SDC1: variants seen among roughly 807,000 people sequenced by gnomAD.
The protein encoded by SDC1 is syndecan 1.
SDC1 carries 14 observed loss-of-function variants against 29.7 expected under a neutral mutation model. The observed-to-expected ratio is 0.47, with a 90% CI of 0.31 to 0.74. The LOEUF is 0.74. Ranked by LOEUF, SDC1 falls within the 30% of genes least tolerant of loss-of-function variation. SDC1 has a pLI of 0.05. For missense variants in SDC1, 406 were observed against 400.3 expected (o/e 1.01, Z -0.12); for synonymous variants, 204 against 175.5 (o/e 1.16, Z -1.29).
Position 20,202,023 on chromosome 2 carries a change from C to T in SDC1, c.*743G>A. The stretch of plus-strand genomic sequence containing the variant: ...CAGATAGTCCATACCCTGTTGCACA[C>T]ATGAGCGACAAACTCAAGAGACAAC... On this transcript the variant is annotated 3_prime_UTR_variant, in exon 5 of 5. Transcript: ENST00000254351. 1 of 505,892 alleles carries T rather than the reference C, an allele frequency of 2.0e-6. No individual in the cohort carries two copies. The highest frequency in any genetic ancestry group is 3.5e-6 in the Non-Finnish European group (1 of 287,726). 31.3% of individuals were successfully genotyped at this position (505,892 alleles called of 1,614,324 possible).
At chr2:20,216,026 A>T (rs1322979657) in intron 1 of SDC1, among the ~76,000 whole-genome samples, 1 of 152,186 alleles carries the variant, frequency 6.6e-6, no homozygotes, top group Non-Finnish European at 1.5e-5. Context: ...TCCAGACAAG[A>T]TCTCTAAGAA....
chr2:20,222,088 A>AACACAC lies in SDC1; in HGVS notation c.66+2708_66+2713dup, dbSNP rs3044220. ...ATGGCAGAAACAAAAGACCACAGTA[A>AACACAC]ACACACACACACACACACACACAGA... On this transcript the variant is annotated intron_variant, in intron 1 of 4. Transcript: ENST00000254351. Among the ~76,000 whole-genome samples, 322 of 151,064 alleles carry AACACAC rather than the reference A, an allele frequency of 2.1e-3. 2 individuals carry two copies. Among genetic ancestry groups the AACACAC allele is most frequent in the African/African-American group, 7.2e-3 (297 of 41,280 alleles).
chr2:20,215,138 C>G (rs533458206), intron 1 of SDC1, among the ~76,000 whole-genome samples: 2 of 152,372 alleles, frequency 1.3e-5, no homozygotes, highest in African/African-American at 4.8e-5. Flanking sequence ...ACCCTGCAGT[C>G]TGGCCCAGCT....
rs541893183 is a variant in SDC1, at chr2:20,207,983, C to T, written c.67-2559G>A. The T allele has an allele frequency of 4.0e-5, 39 of 985,312 alleles. 1 individual carries two copies. Among genetic ancestry groups the T allele is most frequent in the African/African-American group, 8.7e-5 (5 of 57,222 alleles). 61.0% of individuals were successfully genotyped at this position (985,312 alleles called of 1,614,324 possible). A position where few individuals can be genotyped will look rare whatever the true frequency, so the allele number is the denominator to read the frequency against. On this transcript the variant is annotated intron_variant, in intron 1 of 4. Coordinates refer to ENST00000254351, the MANE Select transcript of SDC1 (RefSeq NM_002997.5). ...TCTGCCCTGCCCTCTCCTGCTGCAC[C>T]GCCTCCCCCAAGAGAAAGCTCAAGA...
intron 1 of SDC1, among the ~76,000 whole-genome samples, chr2:20,222,398 C>A (rs1399634602): frequency 1.3e-5 from 2 of 151,256 alleles, no homozygotes; most frequent in East Asian, 4.7e-4. Flanking sequence ...GCAGTGCATG[C>A]CCCCACCTTT....
chr2:20,207,403 C>T, intron 1 of SDC1: 1 of 985,158 alleles, frequency 1.0e-6, no homozygotes, highest in Non-Finnish European at 1.2e-6. Flanking sequence ...CACAGTCCAC[C>T]ATGGCCCATC....
intron 1 of SDC1, among the ~76,000 whole-genome samples, chr2:20,215,664 C>A (rs918464671): frequency 3.9e-5 from 6 of 152,246 alleles, no homozygotes; most frequent in Non-Finnish European, 8.8e-5. Flanking sequence ...GGAACCTCTG[C>A]AAAAGCCCTC....
chr2:20,205,587 C>G (rs1677237389), intron 1 of SDC1, among the ~76,000 whole-genome samples, 163 bp from the exon 2 acceptor site: 1 of 152,196 alleles, frequency 6.6e-6, no homozygotes, highest in African/African-American at 2.4e-5. Flanking sequence ...CTCTGGGCAG[C>G]ACTTTGGTCC....
chr2:20,202,382 A>C lies in SDC1; in HGVS notation c.*384T>G, dbSNP rs2148276757. 1.4e-6 allele frequency: 1 copy of C among 723,816 alleles called. No individual in the cohort carries two copies. Among genetic ancestry groups the C allele is most frequent in the Middle Eastern group, 2.4e-4 (1 of 4,106 alleles). 44.8% of individuals were successfully genotyped at this position (723,816 alleles called of 1,614,324 possible). On this transcript the variant is annotated 3_prime_UTR_variant, in exon 5 of 5. Transcript: ENST00000254351. ...AAGTGCTACAGGTGTGTGAGCCCCAAGCCCCACCCGCAGGATCTTCCAGCC... is the reference window on the plus strand; with the variant it reads ...AAGTGCTACAGGTGTGTGAGCCCCACGCCCCACCCGCAGGATCTTCCAGCC...
chr2:20,213,548 C>T (rs894128084), intron 1 of SDC1, among the ~76,000 whole-genome samples: 2 of 152,206 alleles, frequency 1.3e-5, no homozygotes, highest in African/African-American at 4.8e-5. Context: ...TCAAGGTGAC[C>T]GTGGGGCAAC....
At chr2:20,218,541 A>G (rs1171599723) in intron 1 of SDC1, among the ~76,000 whole-genome samples, 1 of 150,184 alleles carries the variant, frequency 6.7e-6, no homozygotes, top group African/African-American at 2.4e-5. Context: ...ACACACACAC[A>G]CAGACACACA....
At chr2:20,218,041 A>C (rs1163777937) in intron 1 of SDC1, among the ~76,000 whole-genome samples, 1 of 152,138 alleles carries the variant, frequency 6.6e-6, no homozygotes, top group African/African-American at 2.4e-5. Flanking sequence ...GTCCCAAGAA[A>C]GAATACTGGC....
chr2:20,214,570 A>G (rs1042028792), intron 1 of SDC1, among the ~76,000 whole-genome samples: 1 of 152,182 alleles, frequency 6.6e-6, no homozygotes, highest in Non-Finnish European at 1.5e-5. Flanking sequence ...CCCCCAGCAC[A>G]GAGCTCCTAG....
Position 20,205,438 on chromosome 2 carries a change from A to G in SDC1, c.67-14T>C. 6.2e-7 allele frequency: 1 copy of G among 1,610,140 alleles called. No homozygotes were observed. The highest frequency in any genetic ancestry group is 8.5e-7 in the Non-Finnish European group (1 of 1,176,500). ...AGCCACAATTTGCTGGAAAAGGATC[A>G]GAATATGGTATGAGTAAAGGCTTGG... On this transcript the variant is annotated splice_polypyrimidine_tract_variant and intron_variant, in intron 1 of 4. Transcript: ENST00000254351.
chr2:20,203,949 G>T lies in SDC1; in HGVS notation c.491C>A (p.Thr164Asn). 6.2e-7 allele frequency: 1 copy of T among 1,614,044 alleles called. No homozygotes were observed. The highest frequency in any genetic ancestry group is 8.5e-7 in the Non-Finnish European group (1 of 1,180,004). ...HRDMQPGHHE[T>N]STPAGPSQAD... The stretch of plus-strand genomic sequence containing the variant: ...TTGGCTGGGTCCTGCAGGGGTTGAG[G>T]TCTCATGGTGGCCAGGCTGCATGTC... The change falls in exon 3 of 5, where the codon ACC becomes AAC. Residue 164 changes from threonine (T) to asparagine (N), a missense_variant. Physicochemically the swap from Thr to Asn is moderately conservative, Grantham distance 65. Transcript: ENST00000254351.
At chr2:20,212,416 G>A (rs1454765002) in intron 1 of SDC1, among the ~76,000 whole-genome samples, 4 of 152,160 alleles carry the variant, frequency 2.6e-5, no homozygotes, top group African/African-American at 9.7e-5. Flanking sequence ...CAGCCTCGGG[G>A]TTGTGGAGGA....
chr2:20,209,479 C>T (rs1183415547), intron 1 of SDC1, among the ~76,000 whole-genome samples: 5 of 152,200 alleles, frequency 3.3e-5, no homozygotes, highest in African/African-American at 7.2e-5. Context: ...GAGCTGGAGT[C>T]GCTGAGCCTG....
At chr2:20,203,271 C>A in intron 3 of SDC1, 49 bp from the exon 4 acceptor site, 1 of 1,561,010 alleles carries the variant, frequency 6.4e-7, no homozygotes, top group Non-Finnish European at 8.7e-7. Context: ...CCGCCAGCAG[C>A]AGCAACCAGC....
At chr2:20,221,331 G>A (rs2002090) in intron 1 of SDC1, among the ~76,000 whole-genome samples, 44,450 of 152,044 alleles carry the variant, frequency 0.29, 7,046 homozygotes, top group Middle Eastern at 0.38. Context: ...GCTACACTCA[G>A]GCACATAAAT....
Sources: allele counts gnomAD v4.1 joint callset (sites outside exome capture counted in the v4.1 genomes callset), GRCh38; gene constraint gnomAD v4.1.1; transcripts MANE v1.5; gene names NCBI Gene and HGNC (gene_info 2026-07-23, HGNC 2026-07-21).